Variants in BYSL observed in about 807,000 individuals in gnomAD.
BYSL encodes bystin like, also known as bystin.
A neutral mutation model predicts 45.4 loss-of-function variants in BYSL; 21 were observed. That is an observed-to-expected ratio of 0.46 (90% CI 0.33 to 0.67). The LOEUF (loss-of-function observed/expected upper bound fraction) is 0.67. Ranked by LOEUF, BYSL falls within the 30% of genes least tolerant of loss-of-function variation. The probability of loss-of-function intolerance (pLI) is 0.02; values close to 1 mark genes in which losing one functional copy is unlikely to be tolerated. For missense variants in BYSL, 522 were observed against 578.5 expected, an observed-to-expected ratio of 0.90 and a Z score of 1.00; for synonymous variants, 215 against 231.3, an observed-to-expected ratio of 0.93 and a Z score of 0.64.
chr6:41,912,099 A>G, the BYSL span, among the ~76,000 whole-genome samples: 1 of 143,344 alleles, frequency 7.0e-6, no homozygotes, highest in Non-Finnish European at 1.5e-5. Context: ...CCTAGGCTGG[A>G]GTGTAGTGGC....
At chr6:41,908,992 G>A in the BYSL span, 1 of 475,732 alleles carries the variant, frequency 2.1e-6, no homozygotes, top group East Asian at 3.2e-5. Flanking sequence ...AGATCAGCCT[G>A]GGCAACATAG....
chr6:41,923,596 G>A (rs916545406), intron 1 of BYSL, among the ~76,000 whole-genome samples: 9 of 151,868 alleles, frequency 5.9e-5, no homozygotes, highest in Non-Finnish European at 8.8e-5. Flanking sequence ...GCACCTGGCC[G>A]CTAATTATTT....
chr6:41,914,217 G>T, the BYSL span, among the ~76,000 whole-genome samples: 1 of 152,186 alleles, frequency 6.6e-6, no homozygotes, highest in East Asian at 1.9e-4. Flanking sequence ...GCAGGAATGA[G>T]GGCTGCCTAG....
chr6:41,909,033 A>C, the BYSL span: 1 of 533,722 alleles, frequency 1.9e-6, no homozygotes, highest in Non-Finnish European at 3.2e-6. Context: ...AAAAAAAAAA[A>C]AATTTAATTC....
At position 41,932,214 on chromosome 6, in the gene BYSL, T is replaced by C; in HGVS notation, c.969-147T>C. The C allele has an allele frequency of 6.5e-6, 5 of 764,528 alleles. No homozygotes were observed. In the South Asian group the frequency reaches 6.7e-5, roughly 10 times the overall value. The allele number at this position is 764,528 out of a possible 1,614,324, so 47.4% of individuals were successfully genotyped here. On this transcript the variant is annotated intron_variant, in intron 6 of 6. Transcript: ENST00000230340. This position sits in a 1 kb window ranked among gnomAD's most constrained non-coding sequence, Gnocchi z 4.7. ...CTGAGGTCAAGGGAGTATAATATGA[T>C]TGTGTAGGTGAGAAGGTCCCTGGGG...
chr6:41,930,098 CT>C (rs1259733294), intron 2 of BYSL, 33 bp from the exon 3 acceptor site: 23 of 1,612,816 alleles, frequency 1.4e-5, no homozygotes, highest in East Asian at 1.1e-4. Context: ...TCCTTGCCCC[CT>C]CTCTCCCCTC....
intron 1 of BYSL, among the ~76,000 whole-genome samples, chr6:41,923,749 C>A (rs1459873286): frequency 6.6e-6 from 1 of 152,012 alleles, no homozygotes; most frequent in Non-Finnish European, 1.5e-5. Flanking sequence ...CTCATACTCT[C>A]TACAAAGTAC....
chr6:41,913,841 TGAGACGA>T, the BYSL span, among the ~76,000 whole-genome samples: 1 of 151,994 alleles, frequency 6.6e-6, no homozygotes, highest in Admixed American at 6.6e-5. Flanking sequence ...GAGGTTGCAG[TGAGACGA>T]GACTGTGCCA....
chr6:41,915,361 G>A, the BYSL span, among the ~76,000 whole-genome samples: 3 of 152,182 alleles, frequency 2.0e-5, no homozygotes, highest in African/African-American at 7.2e-5. Flanking sequence ...AGGCATGGTG[G>A]CACATGCCTG....
At chr6:41,925,585 G>C (rs9349203) in intron 1 of BYSL, among the ~76,000 whole-genome samples, 1 of 151,754 alleles carries the variant, frequency 6.6e-6, no homozygotes. Flanking sequence ...GGATGGTCTC[G>C]GTCTCCTGAC....
intron 1 of BYSL, among the ~76,000 whole-genome samples, chr6:41,926,303 A>G (rs1034606641): frequency 6.6e-6 from 1 of 152,178 alleles, no homozygotes; most frequent in African/African-American, 2.4e-5. Flanking sequence ...GACCCAGACT[A>G]CCTGTCTTGG....
At chr6:41,923,872 C>T (rs1167618447) in intron 1 of BYSL, among the ~76,000 whole-genome samples, 1 of 152,160 alleles carries the variant, frequency 6.6e-6, no homozygotes, top group Non-Finnish European at 1.5e-5. Context: ...CCTATTTAGG[C>T]TTCATTGTGC....
At chr6:41,927,221 G>A (rs1775575715) in intron 1 of BYSL, among the ~76,000 whole-genome samples, 153 bp from the exon 2 acceptor site, 1 of 152,150 alleles carries the variant, frequency 6.6e-6, no homozygotes. Flanking sequence ...CAAGCCCCTG[G>A]GGACAGGGAG....
chr6:41,930,841 T>C (rs1775628779), intron 4 of BYSL, 73 bp downstream of exon 4: 2 of 1,530,490 alleles, frequency 1.3e-6, no homozygotes, highest in Non-Finnish European at 1.7e-6. Context: ...AGGCTTTCCT[T>C]GCCTCTGGCC....
chr6:41,914,516 G>C, the BYSL span, among the ~76,000 whole-genome samples: 1 of 152,176 alleles, frequency 6.6e-6, no homozygotes, highest in East Asian at 1.9e-4. Flanking sequence ...CAGGACTCAG[G>C]ACTCTGGTTC....
At chr6:41,927,603 C>T in intron 2 of BYSL, 67 bp downstream of exon 2, 2 of 1,578,076 alleles carry the variant, frequency 1.3e-6, no homozygotes, top group Non-Finnish European at 1.7e-6. Context: ...AGTTCCCTGG[C>T]AGACTTATGA....
chr6:41,913,367 C>A, the BYSL span, among the ~76,000 whole-genome samples: 1 of 152,160 alleles, frequency 6.6e-6, no homozygotes, highest in Non-Finnish European at 1.5e-5. Context: ...TGCTGTCTCC[C>A]CAACTAGACT....
intron 2 of BYSL, 94 bp from the exon 3 acceptor site, chr6:41,930,038 C>T: frequency 2.0e-6 from 3 of 1,510,348 alleles, no homozygotes; most frequent in Non-Finnish European, 2.7e-6. Context: ...TGGCGGTGCT[C>T]ACAGGGGACT....
rs1561945561 is a variant in BYSL at position 41,931,428 on chromosome 6, C to T, written c.737C>T (p.Ala246Val). 2 of 1,614,188 alleles carry T rather than the reference C, an allele frequency of 1.2e-6. No individual in the cohort carries two copies. The highest frequency in any genetic ancestry group is 2.2e-5 in the East Asian group (1 of 44,882). ...IFASNLKERM[A>V]QRFYNLVLLP... ...GCCTCTAACCTGAAGGAACGCATGG[C>T]CCAGCGCTTCTACAACCTTGTCCTG... is the stretch of plus-strand genomic sequence containing the variant. Residue 246 changes from alanine to valine, a missense_variant, in exon 5 of 7, where the codon GCC becomes GTC. Transcript: ENST00000230340.
Sources: allele counts gnomAD v4.1 joint callset (sites outside exome capture counted in the v4.1 genomes callset), GRCh38; gene constraint gnomAD v4.1.1; non-coding constraint Gnocchi (gnomAD v3.1); transcripts MANE v1.5; gene names NCBI Gene and HGNC (gene_info 2026-07-23, HGNC 2026-07-21).